Variants in ARHGAP28 observed in about 807,000 individuals in gnomAD.
ARHGAP28 encodes the protein Rho GTPase activating protein 28.
A neutral mutation model predicts 90.7 loss-of-function variants in ARHGAP28; 56 were observed. The ratio of observed to expected loss-of-function variants is 0.62; its 90% CI spans 0.50 to 0.77. The LOEUF is 0.77. Ranked by LOEUF, ARHGAP28 falls within the 30% of genes least tolerant of loss-of-function variation. The probability of loss-of-function intolerance (pLI) is 0.00; values close to 1 mark genes in which losing one functional copy is unlikely to be tolerated. For missense variants in ARHGAP28, 869 were observed against 900.9 expected (o/e 0.96, Z 0.45); for synonymous variants, 308 against 323.3 (o/e 0.95, Z 0.51).
At chr18:6,754,118 G>A (rs1188162228) in intron 1 of ARHGAP28, among the ~76,000 whole-genome samples, 1 of 152,192 alleles carries the variant, frequency 6.6e-6, no homozygotes, top group Non-Finnish European at 1.5e-5. Flanking sequence ...TTATCGTAGA[G>A]TGGAATATAT....
chr18:6,824,236 A>C (rs2056645522), intron 1 of ARHGAP28, among the ~76,000 whole-genome samples: 1 of 152,174 alleles, frequency 6.6e-6, no homozygotes, highest in Non-Finnish European at 1.5e-5. Context: ...CAGAGTCATT[A>C]TAAAGTACAG....
rs2057404309 is a variant in ARHGAP28 at position 6,912,396 on chromosome 18, G to A, written c.*242G>A. On this transcript the variant is annotated 3_prime_UTR_variant, in exon 18 of 18. Transcript: ENST00000383472. ...AAGGAAAGATGATGTGGTCCTTCCA[G>A]AAGAAAGACCAATCTAGAATATGGA... The A allele has an allele frequency of 3.6e-6, 1 of 281,088 alleles. No individual in the cohort carries two copies. Among genetic ancestry groups the A allele is most frequent in the African/African-American group, 2.2e-5 (1 of 46,146 alleles). 17.4% of individuals were successfully genotyped at this position (281,088 alleles called of 1,614,324 possible).
chr18:6,797,890 C>T (rs2056453295), intron 1 of ARHGAP28, among the ~76,000 whole-genome samples: 1 of 151,938 alleles, frequency 6.6e-6, no homozygotes. Flanking sequence ...TCGATCTCCT[C>T]ACCTTGTGAT....
chr18:6,827,311 G>C (rs571803487), intron 2 of ARHGAP28, among the ~76,000 whole-genome samples: 1 of 149,574 alleles, frequency 6.7e-6, no homozygotes, highest in African/African-American at 2.5e-5. Flanking sequence ...CTGGCCGGGC[G>C]GGGGGCTGAA....
chr18:6,898,808 C>A, intron 16 of ARHGAP28: 1 of 1,137,338 alleles, frequency 8.8e-7, no homozygotes, highest in Non-Finnish European at 1.1e-6. Context: ...ATCATATGTT[C>A]TCACTCGTAA....
intron 16 of ARHGAP28, among the ~76,000 whole-genome samples, chr18:6,906,677 C>T (rs2057366289): frequency 6.6e-6 from 1 of 152,018 alleles, no homozygotes; most frequent in Non-Finnish European, 1.5e-5. Context: ...ACTATAAAAC[C>T]CTTAGAAAAT....
At chr18:6,844,892 C>A (rs181349624) in intron 3 of ARHGAP28, among the ~76,000 whole-genome samples, 4 of 152,236 alleles carry the variant, frequency 2.6e-5, no homozygotes, top group African/African-American at 7.2e-5. Flanking sequence ...TAATTATATG[C>A]CCTACCTTTA....
chr18:6,876,403 G>A (rs571886402), intron 10 of ARHGAP28, among the ~76,000 whole-genome samples, 195 bp downstream of exon 10: 2 of 151,908 alleles, frequency 1.3e-5, no homozygotes, highest in South Asian at 2.1e-4. Flanking sequence ...AAATCAAAAC[G>A]GAAACATTAA....
At chr18:6,856,473 A>G (rs1365112015) in intron 4 of ARHGAP28, among the ~76,000 whole-genome samples, 3 of 152,124 alleles carry the variant, frequency 2.0e-5, no homozygotes, top group African/African-American at 7.2e-5. Context: ...AAGTGTCTAC[A>G]TTTTAGATGT....
chr18:6,868,058 C>G (rs2057051469), intron 5 of ARHGAP28, 92 bp from the exon 6 acceptor site: 5 of 1,038,718 alleles, frequency 4.8e-6, no homozygotes, highest in Non-Finnish European at 7.4e-6. Context: ...GAAAATAACT[C>G]TTGTATACTG....
At chr18:6,894,219 C>G (rs1024194064) in intron 14 of ARHGAP28, among the ~76,000 whole-genome samples, 1 of 152,070 alleles carries the variant, frequency 6.6e-6, no homozygotes, top group Non-Finnish European at 1.5e-5. Context: ...AGTTCATTAA[C>G]AAGTTATAAA....
At chr18:6,774,879 T>C (rs1199014674) in intron 1 of ARHGAP28, among the ~76,000 whole-genome samples, 2 of 152,216 alleles carry the variant, frequency 1.3e-5, no homozygotes, top group Non-Finnish European at 2.9e-5. Context: ...TTGTGTGACC[T>C]GCATCTGTCC....
chr18:6,775,154 C>T (rs1316815107), intron 1 of ARHGAP28, among the ~76,000 whole-genome samples: 1 of 152,140 alleles, frequency 6.6e-6, no homozygotes, highest in Non-Finnish European at 1.5e-5. Context: ...TGTTTGTCTT[C>T]TATTTCATTT....
chr18:6,903,431 C>T (rs907177961), intron 16 of ARHGAP28, among the ~76,000 whole-genome samples: 1 of 151,998 alleles, frequency 6.6e-6, no homozygotes, highest in African/African-American at 2.4e-5. Flanking sequence ...AACATCAATA[C>T]CAGTAAACTG....
chr18:6,770,112 G>A (rs1271157045), intron 1 of ARHGAP28, among the ~76,000 whole-genome samples: 2 of 152,166 alleles, frequency 1.3e-5, no homozygotes, highest in Non-Finnish European at 2.9e-5. Context: ...TTGTTGCAAA[G>A]TGTACATAAG....
At chr18:6,807,754 T>A (rs1600203418) in intron 1 of ARHGAP28, among the ~76,000 whole-genome samples, 1 of 152,302 alleles carries the variant, frequency 6.6e-6, no homozygotes, top group East Asian at 1.9e-4. Context: ...TTGACGGGGC[T>A]CCTCTGAGGA....
chr18:6,849,252 C>CAAAA (rs35080791), intron 3 of ARHGAP28, among the ~76,000 whole-genome samples: 6 of 88,232 alleles, frequency 6.8e-5, no homozygotes, highest in South Asian at 4.1e-4. Context: ...GACCTTGTCT[C>CAAAA]AAAAAAAAAA....
intron 1 of ARHGAP28, among the ~76,000 whole-genome samples, chr18:6,741,814 G>A (rs1600143268): frequency 6.6e-6 from 1 of 152,200 alleles, no homozygotes; most frequent in East Asian, 1.9e-4. Context: ...TGGCTCATTA[G>A]TATTTTACTC....
chr18:6,903,797 C>T (rs544882367), intron 16 of ARHGAP28, among the ~76,000 whole-genome samples: 1 of 140,206 alleles, frequency 7.1e-6, no homozygotes, highest in Admixed American at 7.6e-5. Context: ...CCACTGCACT[C>T]CAGTCTGGGT....
Sources: allele counts gnomAD v4.1 joint callset (sites outside exome capture counted in the v4.1 genomes callset), GRCh38; gene constraint gnomAD v4.1.1; transcripts MANE v1.5; gene names NCBI Gene and HGNC (gene_info 2026-07-23, HGNC 2026-07-21).